The following CRY1 variants were observed in gnomAD, a reference collection of about 807,000 sequenced individuals.
The protein encoded by CRY1 is cryptochrome circadian regulator 1.
In CRY1, 45 loss-of-function variants were observed where a neutral mutation model predicts 76.0. The ratio of observed to expected loss-of-function variants is 0.59; its 90% CI spans 0.47 to 0.76. The LOEUF is 0.76. Among genes scored for constraint, CRY1 ranks in the 30% least tolerant of loss-of-function variants. The pLI is 0.00. For missense variants in CRY1, 587 were observed against 716.4 expected (o/e 0.82, Z 2.06); for synonymous variants, 248 against 244.0 (o/e 1.02, Z -0.15).
At chr12:107,032,450 A>G (rs988351706) in intron 1 of CRY1, among the ~76,000 whole-genome samples, 1 of 152,148 alleles carries the variant, frequency 6.6e-6, no homozygotes, top group Non-Finnish European at 1.5e-5. Flanking sequence ...AAACACCTCA[A>G]GCATGACAAT....
intron 1 of CRY1, among the ~76,000 whole-genome samples, chr12:107,091,045 C>CT (rs368203338): frequency 6.4e-4 from 93 of 145,938 alleles, no homozygotes; most frequent in Non-Finnish European, 5.9e-4. Flanking sequence ...ACTATAAGTC[C>CT]TTTTTTTTTT....
chr12:106,992,568 C>T, intron 12 of CRY1: 1 of 419,066 alleles, frequency 2.4e-6, no homozygotes, highest in Non-Finnish European at 4.3e-6. Context: ...ATTTAAAGAG[C>T]ATTGGTTCAG....
chr12:107,011,629 G>A (rs1427206656), intron 2 of CRY1, among the ~76,000 whole-genome samples: 2 of 152,194 alleles, frequency 1.3e-5, no homozygotes, highest in Non-Finnish European at 2.9e-5. Context: ...CTTCGATTCT[G>A]TGAAGGCTGA....
rs570445320 is a variant in CRY1, at chr12:107,042,556, T to C, written c.159-20364A>G. On this transcript the variant is annotated intron_variant, in intron 1 of 12. Coordinates refer to ENST00000008527, the MANE Select transcript of CRY1 (RefSeq NM_004075.5). ...TGAGAAAATATCAGATAAAATCAAATTGAGGAGCAGTCTACAAAATACTTC... is the reference window on the plus strand; with the variant it reads ...TGAGAAAATATCAGATAAAATCAAACTGAGGAGCAGTCTACAAAATACTTC... 1.5e-4 allele frequency among the ~76,000 whole-genome samples: 23 copies of C among 152,176 alleles called. No homozygotes were observed. In the South Asian group the frequency reaches 3.5e-3, roughly 23 times the overall value.
At chr12:107,061,860 C>T (rs146890424) in intron 1 of CRY1, among the ~76,000 whole-genome samples, 1 of 151,852 alleles carries the variant, frequency 6.6e-6, no homozygotes, top group East Asian at 1.9e-4. Flanking sequence ...CATCACAGTT[C>T]AATCTTTAGA....
intron 1 of CRY1, among the ~76,000 whole-genome samples, chr12:107,087,333 A>C (rs953144781): frequency 3.9e-5 from 6 of 152,174 alleles, no homozygotes; most frequent in African/African-American, 1.2e-4. Flanking sequence ...CTCAGCCTGG[A>C]GAAGTGACAG....
intron 1 of CRY1, among the ~76,000 whole-genome samples, chr12:107,071,781 G>A (rs1290395913): frequency 6.6e-6 from 1 of 152,068 alleles, no homozygotes; most frequent in Non-Finnish European, 1.5e-5. Context: ...TAAAAGATAT[G>A]GTATACAACT....
intron 10 of CRY1, among the ~76,000 whole-genome samples, chr12:106,995,451 CTGT>C (rs1177580428): frequency 6.6e-6 from 1 of 151,994 alleles, no homozygotes; most frequent in Non-Finnish European, 1.5e-5. Context: ...TGTTTTTATC[CTGT>C]TTTTTTTATT....
Position 107,041,144 on chromosome 12 carries a change from A to T in CRY1, c.159-18952T>A, listed in dbSNP as rs181296397. Among the ~76,000 whole-genome samples, 937 of 152,016 alleles carry T rather than the reference A, an allele frequency of 6.2e-3. 6 individuals are homozygous for T. The highest frequency in any genetic ancestry group is 6.6e-3 in the Non-Finnish European group (450 of 67,994). ...AAGAATTAATTAGATAACATGTAGA[A>T]CCGCCTATTGAGGTACATTCTTTCA... On this transcript the variant is annotated intron_variant, in intron 1 of 12. Transcript: ENST00000008527.
chr12:107,035,298 C>T (rs978594598), intron 1 of CRY1, among the ~76,000 whole-genome samples: 1 of 152,190 alleles, frequency 6.6e-6, no homozygotes, highest in African/African-American at 2.4e-5. Context: ...AATTTAGTCA[C>T]TTATGCAATC....
rs1193128323 is a variant in CRY1 at position 107,069,693 on chromosome 12, AAGTGTATATAT to A, written c.158+23100_158+23110del. ...TATATATATATAAAGTATATATATA[AAGTGTATATAT>A]AGTGTATATATATAAAGTATATATG... On this transcript the variant is annotated intron_variant, in intron 1 of 12. Coordinates refer to ENST00000008527, the MANE Select transcript of CRY1 (RefSeq NM_004075.5). 1.3e-3 allele frequency among the ~76,000 whole-genome samples: 193 copies of A among 144,028 alleles called. 1 individual carries two copies. The highest frequency in any genetic ancestry group is 2.3e-3 in the Non-Finnish European group (152 of 66,102). The allele number at this position is 144,028 out of a possible 152,430, so 94.5% of individuals were successfully genotyped here.
intron 1 of CRY1, chr12:107,050,154 G>A (rs1952902372): frequency 6.6e-6 from 1 of 151,916 alleles, no homozygotes; most frequent in African/African-American, 2.4e-5. Context: ...GGAAAGAGAA[G>A]AAGAAAAAGC....
At chr12:107,049,589 C>G (rs10778525) in intron 1 of CRY1, among the ~76,000 whole-genome samples, 105,567 of 152,004 alleles carry the variant, frequency 0.69, 37,487 homozygotes, top group East Asian at 0.97. Flanking sequence ...TGTTGGCCAG[C>G]CTGGTCTCAA....
Position 107,001,327 on chromosome 12 carries a change from C to T in CRY1, c.637G>A (p.Gly213Arg), listed in dbSNP as rs776553940. 13 of 1,613,500 alleles carry T rather than the reference C, an allele frequency of 8.1e-6. No homozygotes were observed. Among genetic ancestry groups the T allele is most frequent in the East Asian group, 2.2e-5 (1 of 44,850 alleles). Residue 213 changes from glycine to arginine, a missense_variant, in exon 5 of 13, where the codon GGA (glycine) becomes AGA (arginine). Gly to Arg is a moderately radical substitution (Grantham distance 125). Coordinates refer to ENST00000008527, the MANE Select transcript of CRY1 (RefSeq NM_004075.5). Reference protein sequence around the residue: ...DGLSSAVWPGGETEALTRLER... With the variant: ...DGLSSAVWPGRETEALTRLER... The stretch of plus-strand genomic sequence containing the variant: ...AAACGAGTAAGTGCTTCAGTTTCTC[C>T]ACCTGGCCACACTGCAGAGGATAAG...
At chr12:107,064,203 G>A (rs1262057185) in intron 1 of CRY1, among the ~76,000 whole-genome samples, 1 of 152,020 alleles carries the variant, frequency 6.6e-6, no homozygotes, top group Non-Finnish European at 1.5e-5. Flanking sequence ...TATGCTAAGT[G>A]AAATAAACTA....
chr12:107,058,360 A>G (rs1013578560), intron 1 of CRY1, among the ~76,000 whole-genome samples: 8 of 152,166 alleles, frequency 5.3e-5, no homozygotes, highest in African/African-American at 1.4e-4. Flanking sequence ...AGAGAGAACA[A>G]AAGTCCAAGA....
rs1952282239 is a variant in CRY1, at chr12:106,999,833, G to A, written c.855C>T (p.Ser285=). The part of the protein sequence containing the change: ...KVKKNSSPPL[S]LYGQLLWREF... ...CACGCCATAACAGTTGCCCATAAAGGGAAAGGGGAGGGGAACTGTTCTTCT... is the reference window on the plus strand; with the variant it reads ...CACGCCATAACAGTTGCCCATAAAGAGAAAGGGGAGGGGAACTGTTCTTCT... Residue 285 remains serine (S), a synonymous_variant, in exon 7 of 13, where the codon TCC becomes TCT. Coordinates refer to ENST00000008527, the MANE Select transcript of CRY1 (RefSeq NM_004075.5). 6.2e-7 allele frequency: 1 copy of A among 1,613,468 alleles called. No individual in the cohort carries two copies. Among genetic ancestry groups the A allele is most frequent in the East Asian group, 2.2e-5 (1 of 44,886 alleles).
At chr12:107,006,279 G>A (rs1032043699) in intron 2 of CRY1, among the ~76,000 whole-genome samples, 1 of 151,940 alleles carries the variant, frequency 6.6e-6, no homozygotes, top group Non-Finnish European at 1.5e-5. Flanking sequence ...CCAGCTACTC[G>A]GGAGGCTGAG....
intron 1 of CRY1, among the ~76,000 whole-genome samples, chr12:107,055,824 CAA>C (rs966549720): frequency 3.1e-5 from 4 of 130,600 alleles, no homozygotes; most frequent in African/African-American, 5.7e-5. Flanking sequence ...GACCCTGTCT[CAA>C]AAAAAAAAAG....
Sources: allele counts gnomAD v4.1 joint callset (sites outside exome capture counted in the v4.1 genomes callset), GRCh38; gene constraint gnomAD v4.1.1; transcripts MANE v1.5; gene names NCBI Gene and HGNC (gene_info 2026-07-23, HGNC 2026-07-21).